Variants in PTOV1 observed in about 807,000 individuals in gnomAD.
PTOV1 encodes the protein PTOV1 extended AT-hook containing adaptor protein, also known as prostate tumor-overexpressed gene 1 protein.
A neutral mutation model predicts 58.0 loss-of-function variants in PTOV1; 20 were observed. The observed-to-expected ratio is 0.34, with a 90% confidence interval of 0.24 to 0.50. The LOEUF (loss-of-function observed/expected upper bound fraction) is 0.50, where lower values mean the gene tolerates loss of function less well. Ranked by LOEUF, PTOV1 falls within the 20% of genes least tolerant of loss-of-function variation. PTOV1 has a pLI of 0.98. For missense variants in PTOV1, 593 were observed against 565.4 expected, an observed-to-expected ratio of 1.05 and a Z score of -0.50; for synonymous variants, 335 against 234.2, an observed-to-expected ratio of 1.43 and a Z score of -3.93.
chr19:49,851,190 G>T, exon 1 of PTOV1: 1 of 1,218,470 alleles, frequency 8.2e-7, no homozygotes, highest in South Asian at 3.3e-5. Flanking sequence ...CCACTCCGGC[G>T]GCGCGTCCCC....
At chr19:49,858,764 TG>T in intron 10 of PTOV1, 111 bp downstream of exon 10, 1 of 935,218 alleles carries the variant, frequency 1.1e-6, no homozygotes, top group Non-Finnish European at 1.7e-6. Context: ...CCAGACCAGC[TG>T]GGGAGAGAGG....
upstream of PTOV1, chr19:49,851,135 G>C: frequency 7.5e-7 from 1 of 1,324,778 alleles, no homozygotes; most frequent in Non-Finnish European, 9.6e-7. Flanking sequence ...CGCTTGGTAC[G>C]CGCCGGGCTC....
At chr19:49,851,243 C>T (rs1375680719) in exon 1 of PTOV1, 2 of 1,125,276 alleles carry the variant, frequency 1.8e-6, no homozygotes, top group South Asian at 8.5e-5. Context: ...AAGCCGCGCG[C>T]CCGCGCCCGC....
exon 4 of PTOV1, chr19:49,854,853 AAGCTGATCATGC>A (rs1439397442): frequency 6.2e-7 from 1 of 1,613,208 alleles, no homozygotes; most frequent in African/African-American, 1.3e-5. Flanking sequence ...GTGGCCGCAG[AAGCTGATCATGC>A]AGCTGATCCC....
chr19:49,851,201 C>T, exon 1 of PTOV1: 1 of 1,209,096 alleles, frequency 8.3e-7, no homozygotes, highest in South Asian at 3.3e-5. Flanking sequence ...GCGCGTCCCC[C>T]GAGCTTGGTA....
upstream of PTOV1, chr19:49,851,018 C>A: frequency 6.5e-7 from 1 of 1,530,862 alleles, no homozygotes; most frequent in Admixed American, 2.0e-5. Flanking sequence ...CCCAGGACTC[C>A]CCCGCGCCGG....
chr19:49,851,112 G>A (rs956429325), upstream of PTOV1: 33 of 1,363,522 alleles, frequency 2.4e-5, no homozygotes, highest in African/African-American at 4.5e-4. Flanking sequence ...CTCCGGCCAC[G>A]CCCCCTCGGA....
chr19:49,859,697 T>C (rs971450728), intron 10 of PTOV1, among the ~76,000 whole-genome samples: 2 of 152,064 alleles, frequency 1.3e-5, no homozygotes, highest in Non-Finnish European at 2.9e-5. Context: ...GCCGGTTGGC[T>C]CAGGTGGCTG....
exon 3 of PTOV1, chr19:49,854,671 A>C: frequency 6.2e-7 from 1 of 1,613,106 alleles, no homozygotes; most frequent in Non-Finnish European, 8.5e-7. Context: ...CCCTACTCTG[A>C]CTCCACTGCA....
intron 10 of PTOV1, chr19:49,859,779 A>G: frequency 3.3e-6 from 2 of 605,304 alleles, no homozygotes; most frequent in Non-Finnish European, 5.8e-6. Context: ...GCCCTTCCCG[A>G]CAGAGCCTGT....
chr19:49,857,813 C>T, intron 7 of PTOV1, 31 bp downstream of exon 7: 1 of 1,612,808 alleles, frequency 6.2e-7, no homozygotes, highest in Non-Finnish European at 8.5e-7. Flanking sequence ...GGACTTGGGA[C>T]CCCCAGATCC....
intron 1 of PTOV1, 57 bp downstream of exon 1, chr19:49,851,556 T>TA: frequency 1.1e-6 from 1 of 904,756 alleles, no homozygotes; most frequent in African/African-American, 1.8e-5. Context: ...CCAGCCCCTA[T>TA]CCCGGGCTCA....
At chr19:49,857,741 A>G in exon 7 of PTOV1, 1 of 1,614,182 alleles carries the variant, frequency 6.2e-7, no homozygotes, top group Non-Finnish European at 8.5e-7. Flanking sequence ...GATCGTCAAC[A>G]ACAAGTTTCT....
chr19:49,857,713 C>A lies in PTOV1; in HGVS notation c.735C>A (p.Val245=), dbSNP rs201981695. 55 of 1,614,082 alleles carry A rather than the reference C, an allele frequency of 3.4e-5. No homozygotes were observed. The African/African-American group carries it at 5.7e-4, about 17-fold the overall frequency. Residue 245 remains valine, a synonymous_variant, in exon 7 of 12, where the codon GTC becomes GTA. Coordinates refer to ENST00000391842, the Ensembl canonical transcript of PTOV1. Reference sequence around the variant, plus strand: ...AACAGGCAGTGGGACCTGGTGGTGTCAACTCAGGCCCAGTCCAGATCGTCA... The same window carrying A: ...AACAGGCAGTGGGACCTGGTGGTGTAAACTCAGGCCCAGTCCAGATCGTCA...
intron 5 of PTOV1, 81 bp downstream of exon 5, chr19:49,855,158 G>A (rs1009753075): frequency 3.0e-6 from 4 of 1,355,538 alleles, no homozygotes; most frequent in Admixed American, 2.0e-5. Flanking sequence ...GTCCAGGCGG[G>A]GGTCGGGGGG....
chr19:49,857,075 A>G, exon 6 of PTOV1: 2 of 1,614,066 alleles, frequency 1.2e-6, no homozygotes, highest in Non-Finnish European at 8.5e-7. Context: ...CTCATCCCCT[A>G]CGACCAGAGC....
rs2074381968 is a variant in PTOV1, at chr19:49,854,643, C to G, written c.310-9C>G. The G allele has an allele frequency of 1.2e-6, 2 of 1,613,356 alleles. No individual in the cohort carries two copies. The highest frequency in any genetic ancestry group is 1.7e-6 in the Non-Finnish European group (2 of 1,179,924). On this transcript the variant is annotated splice_polypyrimidine_tract_variant and intron_variant, in intron 2 of 11. Transcript: ENST00000391842. The stretch of plus-strand genomic sequence containing the variant: ...GCTGTGCACAGTGACGCCCCTCCTG[C>G]CCCCACAGAAGCGCAGACCCTACTC...
At chr19:49,858,609 C>T (rs1480334776) in exon 10 of PTOV1, 7 of 1,605,654 alleles carry the variant, frequency 4.4e-6, no homozygotes, top group Admixed American at 3.4e-5. Context: ...CACCAAGGAC[C>T]TGGAGACACT....
chr19:49,856,878 A>T (rs2074492270), intron 5 of PTOV1, 97 bp from the exon 6 acceptor site: 4 of 1,450,278 alleles, frequency 2.8e-6, no homozygotes, highest in Non-Finnish European at 3.8e-6. Context: ...TCCACCGATG[A>T]TCTCCCTTCA....
Sources: gnomAD v4.1 joint callset for allele counts (sites outside exome capture counted in the v4.1 genomes callset) on GRCh38, gnomAD v4.1.1 for gene constraint, MANE v1.5 for transcripts, NCBI Gene and HGNC (gene_info 2026-07-23, HGNC 2026-07-21) for gene names.